NXPE2: variants seen among roughly 807,000 people sequenced by gnomAD.
The protein encoded by NXPE2 is neurexophilin and PC-esterase domain family member 2.
A neutral mutation model predicts 34.4 loss-of-function variants in NXPE2; 34 were observed. That is an observed-to-expected ratio of 0.99 (90% CI 0.75 to 1.31). The LOEUF (loss-of-function observed/expected upper bound fraction) is 1.31. NXPE2 is among the 40% of genes most tolerant of loss of function. NXPE2 has a pLI of 0.00. For missense variants in NXPE2, 649 were observed against 672.5 expected (o/e 0.97, Z 0.39); for synonymous variants, 235 against 231.3 (o/e 1.02, Z -0.15).
the NXPE2 span, among the ~76,000 whole-genome samples, chr11:114,755,163 T>A: frequency 2.0e-4 from 31 of 152,130 alleles, no homozygotes; most frequent in Middle Eastern, 3.2e-3. Context: ...GGGTTGGAGA[T>A]TGGAGGATCA....
At chr11:114,767,619 T>G in the NXPE2 span, among the ~76,000 whole-genome samples, 2 of 152,110 alleles carry the variant, frequency 1.3e-5, no homozygotes, top group Non-Finnish European at 2.9e-5. Flanking sequence ...AAATGACATG[T>G]TTAGTGAATG....
the NXPE2 span, among the ~76,000 whole-genome samples, chr11:114,605,719 G>A: frequency 1.3e-5 from 2 of 151,826 alleles, no homozygotes; most frequent in African/African-American, 2.4e-5. Flanking sequence ...TTACCTAATG[G>A]GTAACCACTT....
intron 2 of NXPE2, among the ~76,000 whole-genome samples, chr11:114,692,885 G>A (rs544739100): frequency 4.0e-5 from 6 of 151,860 alleles, no homozygotes; most frequent in Admixed American, 6.6e-5. Context: ...TTGGCTCACC[G>A]CAACAACTAT....
At chr11:114,647,736 C>G in the NXPE2 span, among the ~76,000 whole-genome samples, 6 of 150,564 alleles carry the variant, frequency 4.0e-5, no homozygotes, top group Non-Finnish European at 5.9e-5. Flanking sequence ...GAATCTCACT[C>G]TGTCACCCAG....
the NXPE2 span, among the ~76,000 whole-genome samples, chr11:114,616,841 A>T: frequency 6.7e-6 from 1 of 150,242 alleles, no homozygotes; most frequent in African/African-American, 2.5e-5. Flanking sequence ...GTTACCCAGT[A>T]GATAATAAAT....
the NXPE2 span, among the ~76,000 whole-genome samples, chr11:114,586,537 A>T: frequency 1.9e-4 from 29 of 152,216 alleles, no homozygotes; most frequent in African/African-American, 5.8e-4. Context: ...TGCCAGGGAG[A>T]ACTTAGCTAA....
the NXPE2 span, among the ~76,000 whole-genome samples, chr11:114,720,787 G>T: frequency 6.6e-6 from 1 of 152,074 alleles, no homozygotes; most frequent in Non-Finnish European, 1.5e-5. Context: ...CAAATTACTT[G>T]TCTGGGTTAC....
chr11:114,618,832 G>A, the NXPE2 span, among the ~76,000 whole-genome samples: 242 of 150,618 alleles, frequency 1.6e-3, 1 homozygote, highest in Middle Eastern at 0.036. Context: ...GTATTGCCTC[G>A]TGGGCAACCA....
the NXPE2 span, among the ~76,000 whole-genome samples, chr11:114,756,196 G>C: frequency 1.3e-5 from 2 of 152,094 alleles, no homozygotes; most frequent in East Asian, 3.9e-4. Context: ...TGGAGAATGA[G>C]ATACTGCTTC....
At chr11:114,512,842 G>C in the NXPE2 span, 32 of 207,968 alleles carry the variant, frequency 1.5e-4, no homozygotes, top group East Asian at 8.2e-4. Context: ...GCAGTAGAAG[G>C]CTTCTTGGGT....
chr11:114,802,884 T>C, the NXPE2 span, among the ~76,000 whole-genome samples: 13 of 136,500 alleles, frequency 9.5e-5, no homozygotes, highest in African/African-American at 3.1e-4. Context: ...AAATGAGTCA[T>C]GGAAATAAAA....
chr11:114,638,414 C>T, the NXPE2 span, among the ~76,000 whole-genome samples: 3 of 151,930 alleles, frequency 2.0e-5, no homozygotes, highest in African/African-American at 7.2e-5. Context: ...GTTTGAATTT[C>T]CTCCTGTAGC....
chr11:114,803,251 C>T, the NXPE2 span, among the ~76,000 whole-genome samples: 1 of 152,208 alleles, frequency 6.6e-6, no homozygotes, highest in Non-Finnish European at 1.5e-5. Flanking sequence ...AACCTACACA[C>T]TTCAGGGGAC....
chr11:114,668,687 C>T, the NXPE2 span, among the ~76,000 whole-genome samples: 1 of 152,020 alleles, frequency 6.6e-6, no homozygotes, highest in Non-Finnish European at 1.5e-5. Flanking sequence ...GAGACCATGA[C>T]TTATCTTTAT....
chr11:114,644,590 T>C, the NXPE2 span, among the ~76,000 whole-genome samples: 1 of 152,126 alleles, frequency 6.6e-6, no homozygotes, highest in Non-Finnish European at 1.5e-5. Context: ...TATAAAATAT[T>C]TTTATGGACA....
At chr11:114,762,273 T>C in the NXPE2 span, among the ~76,000 whole-genome samples, 1 of 152,080 alleles carries the variant, frequency 6.6e-6, no homozygotes, top group South Asian at 2.1e-4. Context: ...GTCAGTGTAA[T>C]GTGTGATGTG....
the NXPE2 span, among the ~76,000 whole-genome samples, chr11:114,616,265 A>G: frequency 1.3e-4 from 19 of 147,844 alleles, no homozygotes; most frequent in Non-Finnish European, 1.9e-4. Context: ...AGGACAATAA[A>G]TGTTGCCTCG....
the NXPE2 span, among the ~76,000 whole-genome samples, chr11:114,574,106 A>G: frequency 2.6e-5 from 4 of 152,278 alleles, no homozygotes; most frequent in East Asian, 3.9e-4. Flanking sequence ...CTGCTCTTGA[A>G]TGATCATTGA....
the NXPE2 span, among the ~76,000 whole-genome samples, chr11:114,740,959 T>G: frequency 9.8e-5 from 15 of 152,322 alleles, no homozygotes; most frequent in East Asian, 2.9e-3. Context: ...AAAGTCTATT[T>G]TGTCTCATAT....
Sources: gnomAD v4.1 joint callset for allele counts (sites outside exome capture counted in the v4.1 genomes callset) on GRCh38, gnomAD v4.1.1 for gene constraint, MANE v1.5 for transcripts, NCBI Gene and HGNC (gene_info 2026-07-23, HGNC 2026-07-21) for gene names.